The following AKAP6 variants were observed in gnomAD, a reference collection of about 807,000 sequenced individuals.
AKAP6 encodes A-kinase anchor protein 6.
Under a neutral mutation model 188.5 loss-of-function variants are expected in AKAP6, and 58 were observed. The ratio of observed to expected loss-of-function variants is 0.31; its 90% CI spans 0.25 to 0.38. The LOEUF is 0.38. Ranked by LOEUF, AKAP6 falls within the 10% of genes least tolerant of loss-of-function variation. The pLI, the probability that AKAP6 is intolerant of heterozygous loss-of-function variation, is 1.00. For synonymous variants in AKAP6, 989 were observed against 998.6 expected, an observed-to-expected ratio of 0.99 and a Z score of 0.18; for missense variants, 2,710 against 2,740.0, an observed-to-expected ratio of 0.99 and a Z score of 0.24.
intron 13 of AKAP6, among the ~76,000 whole-genome samples, chr14:32,828,920 A>C (rs2034752273): frequency 6.6e-6 from 1 of 152,152 alleles, no homozygotes; most frequent in Non-Finnish European, 1.5e-5. Flanking sequence ...CTGGCTCTTA[A>C]GTTGAAAGAT....
intron 1 of AKAP6, among the ~76,000 whole-genome samples, chr14:32,385,593 T>C (rs1487544184): frequency 6.6e-6 from 1 of 151,276 alleles, no homozygotes; most frequent in African/African-American, 2.4e-5. Flanking sequence ...CCAAAGTCCA[T>C]TGTGTCATTC....
intron 5 of AKAP6, among the ~76,000 whole-genome samples, chr14:32,598,995 A>G (rs1371562557): frequency 6.6e-6 from 1 of 152,212 alleles, no homozygotes; most frequent in Non-Finnish European, 1.5e-5. Context: ...GGATTTATAT[A>G]TGTGCACATA....
chr14:32,359,557 A>C lies in AKAP6; in HGVS notation c.-35+30149A>C, dbSNP rs189439171. ...ACATTACTATTAACTAAACTACTGC[A>C]TAGACTTTTTTTTTTTTTTCATTAA... On this transcript the variant is annotated intron_variant, in intron 1 of 13. Coordinates refer to ENST00000280979, the MANE Select transcript of AKAP6 (RefSeq NM_004274.5). Among the ~76,000 whole-genome samples, 142 of 142,148 alleles carry C rather than the reference A, an allele frequency of 1.0e-3. 3 individuals carry two copies. The East Asian group carries it at 0.029, about 29-fold the overall frequency. The allele number at this position is 142,148 out of a possible 152,430, so 93.3% of individuals were successfully genotyped here.
At chr14:32,606,929 G>T (rs909829552) in intron 7 of AKAP6, among the ~76,000 whole-genome samples, 1 of 152,098 alleles carries the variant, frequency 6.6e-6, no homozygotes, top group African/African-American at 2.4e-5. Flanking sequence ...TTTGACTTGG[G>T]TATATTGCTT....
At chr14:32,655,662 A>T (rs965841034) in intron 7 of AKAP6, among the ~76,000 whole-genome samples, 1 of 152,174 alleles carries the variant, frequency 6.6e-6, no homozygotes, top group Non-Finnish European at 1.5e-5. Flanking sequence ...AGCAGATTAG[A>T]GAAAGCGTTT....
intron 7 of AKAP6, among the ~76,000 whole-genome samples, chr14:32,604,001 T>C (rs1886038622): frequency 6.6e-6 from 1 of 152,160 alleles, no homozygotes; most frequent in Non-Finnish European, 1.5e-5. Flanking sequence ...GGACTTGAGA[T>C]ATGAATTTAA....
chr14:32,600,641 T>C lies in AKAP6; in HGVS notation c.2579T>C (p.Met860Thr). The change falls in exon 7 of 14, where the codon ATG becomes ACG. Residue 860 changes from methionine (M) to threonine (T), a missense_variant. Transcript: ENST00000280979. ...IASHKAGLKDMLRMIASQWKE... is the reference protein window; with the variant it reads ...IASHKAGLKDTLRMIASQWKE... ...CCTTTTGGAGAAGGACTGAAGGACA[T>C]GCTGCGGATGATTGCAAGTCAATGG... 1 of 1,612,378 alleles carries C rather than the reference T, an allele frequency of 6.2e-7. No individual in the cohort carries two copies. The highest frequency in any genetic ancestry group is 8.5e-7 in the Non-Finnish European group (1 of 1,179,158).
chr14:32,784,204 G>A (rs980501767), intron 12 of AKAP6, among the ~76,000 whole-genome samples: 41 of 152,276 alleles, frequency 2.7e-4, no homozygotes, highest in African/African-American at 9.6e-4. Context: ...GTGTGAATTG[G>A]TTGACCACTG....
At chr14:32,829,798 G>GAA in intron 13 of AKAP6, 50 bp from the exon 14 acceptor site, 1 of 672,944 alleles carries the variant, frequency 1.5e-6, no homozygotes. Context: ...TTTTGCTAAT[G>GAA]AAAAATACAT....
At chr14:32,480,207 T>C (rs1273742355) in intron 2 of AKAP6, among the ~76,000 whole-genome samples, 1 of 152,156 alleles carries the variant, frequency 6.6e-6, no homozygotes, top group East Asian at 1.9e-4. Flanking sequence ...AACTCCTATA[T>C]CAGATATTTA....
intron 1 of AKAP6, among the ~76,000 whole-genome samples, chr14:32,350,737 CAAAATA>C (rs2138444765): frequency 6.6e-6 from 1 of 151,628 alleles, no homozygotes; most frequent in African/African-American, 2.4e-5. Context: ...AAAATTATAA[CAAAATA>C]AAAAATGTAT....
At chr14:32,697,445 A>C (rs1290364985) in intron 9 of AKAP6, among the ~76,000 whole-genome samples, 4 of 152,186 alleles carry the variant, frequency 2.6e-5, no homozygotes, top group African/African-American at 9.6e-5. Context: ...TAACAGTCTC[A>C]ACCTAATTTA....
intron 3 of AKAP6, among the ~76,000 whole-genome samples, chr14:32,543,377 CCTT>C (rs926288868): frequency 6.6e-6 from 1 of 152,188 alleles, no homozygotes; most frequent in African/African-American, 2.4e-5. Context: ...GACAGGATTT[CCTT>C]CTTTTTGAAG....
At chr14:32,511,701 C>T (rs995074305) in intron 2 of AKAP6, among the ~76,000 whole-genome samples, 1 of 152,110 alleles carries the variant, frequency 6.6e-6, no homozygotes, top group East Asian at 1.9e-4. Flanking sequence ...GTTCCCCATA[C>T]CAGTTCTTTT....
At chr14:32,425,802 A>G (rs1429560519) in intron 1 of AKAP6, among the ~76,000 whole-genome samples, 2 of 152,110 alleles carry the variant, frequency 1.3e-5, no homozygotes, top group Non-Finnish European at 2.9e-5. Flanking sequence ...TAGGCTGTCC[A>G]TTTACTCTGT....
chr14:32,672,047 A>G (rs954285857), intron 7 of AKAP6, among the ~76,000 whole-genome samples: 1 of 152,174 alleles, frequency 6.6e-6, no homozygotes, highest in Non-Finnish European at 1.5e-5. Context: ...TATTAGTTAC[A>G]CACACAAGAT....
rs1317098528 is a variant in AKAP6, at chr14:32,599,144, T to C, written c.2470-266T>C. On this transcript the variant is annotated intron_variant, in intron 5 of 13. Coordinates refer to ENST00000280979, the MANE Select transcript of AKAP6 (RefSeq NM_004274.5). ...TTTTATAGAACACTGCTACTCTTGA[T>C]ATAGCCTACGGGATGTGACTTTTCA... 2.0e-5 allele frequency among the ~76,000 whole-genome samples: 3 copies of C among 152,196 alleles called. 1 individual carries two copies. Among genetic ancestry groups the C allele is most frequent in the Admixed American group, 2.0e-4 (3 of 15,262 alleles).
rs1042869330 is a variant in AKAP6 at position 32,493,024 on chromosome 14, G to T, written c.325-42530G>T. Among the ~76,000 whole-genome samples the T allele has an allele frequency of 8.5e-5, 13 of 152,306 alleles. No individual in the cohort carries two copies. The South Asian group carries it at 2.7e-3, about 32-fold the overall frequency. On this transcript the variant is annotated intron_variant, in intron 2 of 13. Transcript: ENST00000280979. ...TATTATCACAAATGGAAGAACCTCA[G>T]CCTGTGGAAAGTCGGAACTGGGGTG...
intron 1 of AKAP6, among the ~76,000 whole-genome samples, chr14:32,412,433 C>T (rs1257831208): frequency 6.6e-6 from 1 of 152,096 alleles, no homozygotes; most frequent in Admixed American, 6.6e-5. Context: ...GACATGTTTC[C>T]ATGATAATTG....
Sources: allele counts gnomAD v4.1 joint callset (sites outside exome capture counted in the v4.1 genomes callset), GRCh38; gene constraint gnomAD v4.1.1; transcripts MANE v1.5; gene names NCBI Gene and HGNC (gene_info 2026-07-23, HGNC 2026-07-21).